The following PTGIS variants were observed in gnomAD, a reference collection of about 807,000 sequenced individuals.
PTGIS encodes the protein prostaglandin I2 synthase, also known as prostacyclin synthase.
In PTGIS, 45 loss-of-function variants were observed where a neutral mutation model predicts 50.3. That is an observed-to-expected ratio of 0.90 (90% CI 0.70 to 1.15). PTGIS has a LOEUF of 1.15. PTGIS is among the 50% of genes most tolerant of loss of function. The pLI is 0.00. For synonymous variants in PTGIS, 260 were observed against 267.7 expected (o/e 0.97, Z 0.28); for missense variants, 668 against 661.3 (o/e 1.01, Z -0.11).
At chr20:49,552,199 C>G (rs1028226593) in intron 1 of PTGIS, among the ~76,000 whole-genome samples, 2 of 152,038 alleles carry the variant, frequency 1.3e-5, no homozygotes, top group African/African-American at 2.4e-5. Flanking sequence ...ACAGGAACTA[C>G]TCTTGTGTGT....
chr20:49,513,342 G>C lies in PTGIS; in HGVS notation c.1025-81C>G. 2.0e-6 allele frequency: 3 copies of C among 1,495,972 alleles called. No individual in the cohort carries two copies. In the South Asian group the frequency reaches 3.6e-5, roughly 18 times the overall value. 92.7% of individuals were successfully genotyped at this position (1,495,972 alleles called of 1,614,324 possible). Reference sequence around the variant, plus strand: ...TGCCAACCCCAGCTCTTATTTTACAGAGGAAGATGAAGAGGCTCAGAGAGG... The same window carrying C: ...TGCCAACCCCAGCTCTTATTTTACACAGGAAGATGAAGAGGCTCAGAGAGG... On this transcript the variant is annotated intron_variant, in intron 7 of 9. Transcript: ENST00000244043.
intron 5 of PTGIS, among the ~76,000 whole-genome samples, chr20:49,534,087 GT>G (rs1982007411): frequency 6.6e-6 from 1 of 152,108 alleles, no homozygotes; most frequent in Non-Finnish European, 1.5e-5. Context: ...GTCCCACTCT[GT>G]TTTAGATGCA....
At chr20:49,515,606 T>C (rs1322267624) in intron 6 of PTGIS, among the ~76,000 whole-genome samples, 2 of 152,218 alleles carry the variant, frequency 1.3e-5, no homozygotes, top group Admixed American at 6.5e-5. Flanking sequence ...CAAAAGGACA[T>C]ATGCACAAAG....
At position 49,524,102 on chromosome 20, in the gene PTGIS, C is replaced by T. The variant is rs746218094; in HGVS notation, c.811G>A (p.Glu271Lys). Residue 271 changes from glutamate to lysine, a missense_variant, in exon 6 of 10, where the codon GAG becomes AAG. Physicochemically the swap from Glu to Lys is moderately conservative, Grantham distance 56 (BLOSUM62 1). Coordinates refer to ENST00000244043, the MANE Select transcript of PTGIS (RefSeq NM_000961.4). ...LHLEEMGVSE[E>K]MQARALVLQL... Reference sequence around the variant, plus strand: ...AGCACCAGGGCCCGTGCCTGCATCTCCTCTGACACACCCATCTCCTCCAGG... The same window carrying T: ...AGCACCAGGGCCCGTGCCTGCATCTTCTCTGACACACCCATCTCCTCCAGG... 6.2e-7 allele frequency: 1 copy of T among 1,614,220 alleles called. No homozygotes were observed. The highest frequency in any genetic ancestry group is 1.1e-5 in the South Asian group (1 of 91,082).
intron 1 of PTGIS, among the ~76,000 whole-genome samples, chr20:49,555,656 G>A (rs1233462286): frequency 1.3e-5 from 2 of 152,290 alleles, no homozygotes; most frequent in South Asian, 2.1e-4. Context: ...ATATGACTTA[G>A]TATACATCAT....
intron 1 of PTGIS, among the ~76,000 whole-genome samples, chr20:49,565,002 G>A (rs1240577518): frequency 5.6e-5 from 8 of 143,284 alleles, no homozygotes; most frequent in Non-Finnish European, 9.0e-5. Flanking sequence ...AGATGGAGTC[G>A]CTCTGTCGCC....
At chr20:49,567,074 G>T (rs1342133756) in intron 1 of PTGIS, among the ~76,000 whole-genome samples, 6 of 152,190 alleles carry the variant, frequency 3.9e-5, no homozygotes, top group African/African-American at 1.4e-4. Context: ...CTCAGCAACA[G>T]GAGAGGCCCA....
chr20:49,514,251 C>A lies in PTGIS; in HGVS notation c.1000G>T (p.Val334Phe), dbSNP rs781249105. Reference protein sequence around the residue: ...VSQTTTLPQKVLDSTPVLDSV... With the variant: ...VSQTTTLPQKFLDSTPVLDSV... ...CCAAGCACAGGTGTGCTGTCTAGAACCTTCTGTGGGAGAGTGGTCGTCTGC... is the reference window on the plus strand; with the variant it reads ...CCAAGCACAGGTGTGCTGTCTAGAAACTTCTGTGGGAGAGTGGTCGTCTGC... Residue 334 changes from valine to phenylalanine, a missense_variant, in exon 7 of 10, where the codon GTT becomes TTT. Transcript: ENST00000244043. The A allele has an allele frequency of 6.2e-7, 1 of 1,614,000 alleles. No individual in the cohort carries two copies. Among genetic ancestry groups the A allele is most frequent in the African/African-American group, 1.3e-5 (1 of 75,032 alleles).
chr20:49,519,744 A>G (rs899425305), intron 6 of PTGIS, among the ~76,000 whole-genome samples: 12 of 151,272 alleles, frequency 7.9e-5, no homozygotes, highest in Admixed American at 3.9e-4. Flanking sequence ...TCCTCCCGCC[A>G]TCTCCCTCTT....
chr20:49,536,976 C>T (rs1982092778), intron 5 of PTGIS, among the ~76,000 whole-genome samples: 1 of 152,162 alleles, frequency 6.6e-6, no homozygotes, highest in Non-Finnish European at 1.5e-5. Context: ...CACGGTCCCT[C>T]CAGAGAAAGG....
chr20:49,552,704 A>G (rs543999121), intron 1 of PTGIS, among the ~76,000 whole-genome samples: 1 of 152,330 alleles, frequency 6.6e-6, no homozygotes, highest in South Asian at 2.1e-4. Flanking sequence ...GTCAAACACT[A>G]TAACTTAACA....
chr20:49,536,641 C>T (rs1446093378), intron 5 of PTGIS, among the ~76,000 whole-genome samples: 2 of 151,834 alleles, frequency 1.3e-5, no homozygotes, highest in African/African-American at 4.8e-5. Flanking sequence ...CCACCACGCC[C>T]AGCTAATTTT....
In PTGIS at chr20:49,514,235, G is replaced by A. The variant is rs751635685; in HGVS notation, c.1016C>T (p.Pro339Leu). The A allele has an allele frequency of 2.5e-6, 4 of 1,613,720 alleles. No homozygotes were observed. Among genetic ancestry groups the A allele is most frequent in the South Asian group, 2.2e-5 (2 of 91,082 alleles). Reference sequence around the variant, plus strand: ...GGGTCTGACGATCTCACCAAGCACAGGTGTGCTGTCTAGAACCTTCTGTGG... The same window carrying A: ...GGGTCTGACGATCTCACCAAGCACAAGTGTGCTGTCTAGAACCTTCTGTGG... ...TLPQKVLDST[P>L]VLDSVLSESL... The change falls in exon 7 of 10, where the codon CCT (proline) becomes CTT (leucine). Residue 339 changes from proline to leucine, a missense_variant. By Grantham distance (98) the Pro-to-Leu change is moderately conservative. Transcript: ENST00000244043.
rs376834492 is a variant in PTGIS at position 49,510,903 on chromosome 20, G to A, written c.1358+125C>T. ...AAACCACAAATAAGAGATGGCTCAC[G>A]GGCTGTCCATGTGAAGCCTCTGCCA... On this transcript the variant is annotated intron_variant, in intron 9 of 9. Transcript: ENST00000244043. 203 of 850,594 alleles carry A rather than the reference G, an allele frequency of 2.4e-4. No individual in the cohort carries two copies. In the African/African-American group the frequency reaches 3.0e-3, roughly 13 times the overall value. The allele number at this position is 850,594 out of a possible 1,614,324, so 52.7% of individuals were successfully genotyped here.
At chr20:49,567,917 G>T in intron 1 of PTGIS, 126 bp downstream of exon 1, 2 of 898,260 alleles carry the variant, frequency 2.2e-6, no homozygotes, top group Non-Finnish European at 3.0e-6. Context: ...CGAGGGTCTC[G>T]CCTTGCCCGG....
Position 49,507,206 on chromosome 20 carries a change from C to T in PTGIS, c.*714G>A. 6.4e-6 allele frequency: 1 copy of T among 157,148 alleles called. No homozygotes were observed. Among genetic ancestry groups the T allele is most frequent in the Non-Finnish European group, 1.4e-5 (1 of 71,092 alleles). The allele number at this position is 157,148 out of a possible 1,614,324, so 9.7% of individuals were successfully genotyped here. On this transcript the variant is annotated 3_prime_UTR_variant, in exon 10 of 10. Transcript: ENST00000244043. ...TCTTCCTTAGCTCCCTACCTGAGTG[C>T]TGACACTGAGAAAGCCCATCCCATC...
intron 1 of PTGIS, among the ~76,000 whole-genome samples, chr20:49,553,988 C>A (rs910491593): frequency 6.6e-6 from 1 of 152,076 alleles, no homozygotes; most frequent in Non-Finnish European, 1.5e-5. Context: ...TTATAATAGT[C>A]TTTCTAGAGA....
chr20:49,546,523 CA>C (rs1465963047), intron 3 of PTGIS, among the ~76,000 whole-genome samples: 1 of 152,214 alleles, frequency 6.6e-6, no homozygotes, highest in Admixed American at 6.5e-5. Flanking sequence ...CTCCTGGAGA[CA>C]GATCACTGAA....
intron 1 of PTGIS, among the ~76,000 whole-genome samples, chr20:49,553,719 A>G (rs1219578393): frequency 6.6e-6 from 1 of 151,920 alleles, no homozygotes; most frequent in Non-Finnish European, 1.5e-5. Flanking sequence ...ATAAGTAAAT[A>G]AGAAGCATGT....
Sources: gnomAD v4.1 joint callset for allele counts (sites outside exome capture counted in the v4.1 genomes callset) on GRCh38, gnomAD v4.1.1 for gene constraint, MANE v1.5 for transcripts, NCBI Gene and HGNC (gene_info 2026-07-23, HGNC 2026-07-21) for gene names.